The following WDR27 variants were observed in gnomAD, a reference collection of about 807,000 sequenced individuals.
WDR27 encodes the protein WD repeat-containing protein 27.
WDR27 carries 100 observed loss-of-function variants against 114.4 expected under a neutral mutation model. That is an observed-to-expected ratio of 0.87 (90% CI 0.74 to 1.03). The LOEUF (loss-of-function observed/expected upper bound fraction) is 1.03. WDR27 is among the 50% of genes least tolerant of loss of function. The pLI is 0.00. For synonymous variants in WDR27, 449 were observed against 423.1 expected (o/e 1.06, Z -0.75); for missense variants, 1,129 against 1,092.9 (o/e 1.03, Z -0.47).
chr6:169,467,483 T>C (rs1785744468), intron 25 of WDR27, among the ~76,000 whole-genome samples: 1 of 152,210 alleles, frequency 6.6e-6, no homozygotes, highest in African/African-American at 2.4e-5. Flanking sequence ...CTCCCAAACC[T>C]CAATTCTTGA....
intron 22 of WDR27, among the ~76,000 whole-genome samples, chr6:169,608,064 C>T (rs767760943): frequency 5.9e-5 from 9 of 151,956 alleles, no homozygotes; most frequent in Non-Finnish European, 1.2e-4. Context: ...GCAACTGTAA[C>T]ACAATGGTAA....
Position 169,688,849 on chromosome 6 carries a change from A to T in WDR27, c.157T>A (p.Cys53Ser), listed in dbSNP as rs1262413904. 1 of 1,610,472 alleles carries T rather than the reference A, an allele frequency of 6.2e-7. No individual in the cohort carries two copies. Among genetic ancestry groups the T allele is most frequent in the Non-Finnish European group, 8.5e-7 (1 of 1,178,650 alleles). ...GAAGGATCCTTAGTGTTCCATATAC[A>T]AAGTTCAGTTCCATCCAAAGGGAAA... is the stretch of plus-strand genomic sequence containing the variant. ...CAFPLDGTEL[C>S]IWNTKDPSHQ... The change falls in exon 2 of 26, where the codon TGT becomes AGT. Residue 53 changes from cysteine (C) to serine (S), a missense_variant. Transcript: ENST00000448612.
At chr6:169,632,825 A>G (rs900052081) in intron 21 of WDR27, 122 bp downstream of exon 21, 10 of 945,314 alleles carry the variant, frequency 1.1e-5, no homozygotes, top group South Asian at 3.7e-5. Context: ...TTAATGATCA[A>G]TAAAAATTAA....
intron 1 of WDR27, among the ~76,000 whole-genome samples, chr6:169,699,467 G>A (rs915546791): frequency 6.6e-6 from 1 of 152,198 alleles, no homozygotes; most frequent in Non-Finnish European, 1.5e-5. Flanking sequence ...GAGCTGACGA[G>A]ATACACACAG....
chr6:169,687,249 C>T (rs936522610), intron 2 of WDR27, among the ~76,000 whole-genome samples: 1 of 151,936 alleles, frequency 6.6e-6, no homozygotes, highest in Non-Finnish European at 1.5e-5. Context: ...TACATATACC[C>T]CCAAAATATG....
At chr6:169,555,199 T>C (rs928798961) in intron 25 of WDR27, among the ~76,000 whole-genome samples, 29 of 152,186 alleles carry the variant, frequency 1.9e-4, no homozygotes, top group African/African-American at 7.0e-4. Flanking sequence ...ATCTAAAGCC[T>C]GCGATGGAGA....
Position 169,636,354 on chromosome 6 carries a change from G to A in WDR27, c.2003+17C>T. On this transcript the variant is annotated intron_variant, in intron 19 of 25. Transcript: ENST00000448612. The stretch of plus-strand genomic sequence containing the variant: ...TCCTGTGATCTAAAAATAATGCACA[G>A]GGCGGGGGGTGCCTACCTCTTAATC... The A allele has an allele frequency of 6.2e-7, 1 of 1,612,916 alleles. No individual in the cohort carries two copies. The highest frequency in any genetic ancestry group is 8.5e-7 in the Non-Finnish European group (1 of 1,179,550).
chr6:169,524,531 A>T (rs924086100), intron 25 of WDR27, among the ~76,000 whole-genome samples: 8 of 152,182 alleles, frequency 5.3e-5, no homozygotes, highest in African/African-American at 1.7e-4. Context: ...ACTTCAAAAT[A>T]TCCTCCAAAT....
Position 169,672,346 on chromosome 6 carries a change from T to C in WDR27, c.240A>G (p.Gly80=). The C allele has an allele frequency of 1.2e-6, 2 of 1,612,446 alleles. No individual in the cohort carries two copies. Among genetic ancestry groups the C allele is most frequent in the Non-Finnish European group, 1.7e-6 (2 of 1,179,042 alleles). The change falls in exon 3 of 26, where the codon GGA becomes GGG. Residue 80 remains glycine, a synonymous_variant. Coordinates refer to ENST00000448612, the MANE Select transcript of WDR27 (RefSeq NM_182552.5). ...AGATTAGAAGTGGGTTCACTTTATT[T>C]CCAAAAGCCATAGCAGTAATTGGCT... ...HHQPITAMAF[G]NKVNPLLICS...
chr6:169,457,230 T>G lies in WDR27; in HGVS notation c.*362A>C. ...CAGTTAGGACTGTTAACTGCTTTAT[T>G]TTCACTGCCCAAAAGAAATTCTCTC... is the stretch of plus-strand genomic sequence containing the variant. On this transcript the variant is annotated 3_prime_UTR_variant, in exon 26 of 26. Coordinates refer to ENST00000448612, the MANE Select transcript of WDR27 (RefSeq NM_182552.5). 1 of 192,776 alleles carries G rather than the reference T, an allele frequency of 5.2e-6. No individual in the cohort carries two copies. Among genetic ancestry groups the G allele is most frequent in the Non-Finnish European group, 1.1e-5 (1 of 93,140 alleles). 11.9% of individuals were successfully genotyped at this position (192,776 alleles called of 1,614,324 possible).
chr6:169,441,754 T>A, the WDR27 span, among the ~76,000 whole-genome samples: 10 of 152,230 alleles, frequency 6.6e-5, no homozygotes, highest in African/African-American at 2.4e-4. Flanking sequence ...TTTTTCTTTC[T>A]AAGAAGACCC....
Position 169,662,292 on chromosome 6 carries a change from T to C in WDR27, c.1025+12A>G. On this transcript the variant is annotated intron_variant, in intron 9 of 25. Coordinates refer to ENST00000448612, the MANE Select transcript of WDR27 (RefSeq NM_182552.5). Reference sequence around the variant, plus strand: ...TCCTTTATGTGGCATAGGCAAAGTTTTTGATACTTACCATCCACATGCAGA... The same window carrying C: ...TCCTTTATGTGGCATAGGCAAAGTTCTTGATACTTACCATCCACATGCAGA... The C allele has an allele frequency of 6.2e-7, 1 of 1,612,078 alleles. No homozygotes were observed. The highest frequency in any genetic ancestry group is 8.5e-7 in the Non-Finnish European group (1 of 1,178,238).
chr6:169,594,080 T>C (rs1806301822), intron 23 of WDR27, among the ~76,000 whole-genome samples: 1 of 152,284 alleles, frequency 6.6e-6, no homozygotes, highest in African/African-American at 2.4e-5. Context: ...GTGCTATAAA[T>C]TTCCCTTCAA....
At chr6:169,621,443 T>G (rs369990018) in intron 21 of WDR27, among the ~76,000 whole-genome samples, 1 of 150,266 alleles carries the variant, frequency 6.7e-6, no homozygotes, top group African/African-American at 2.5e-5. Context: ...CATATACATA[T>G]GCACACATGC....
intron 25 of WDR27, among the ~76,000 whole-genome samples, chr6:169,567,604 A>C (rs1800708124): frequency 6.6e-6 from 1 of 152,138 alleles, no homozygotes; most frequent in Non-Finnish European, 1.5e-5. Flanking sequence ...ACCACAAGCA[A>C]GACTGAAGGC....
chr6:169,588,083 G>A (rs562740415), intron 23 of WDR27, among the ~76,000 whole-genome samples: 6 of 152,228 alleles, frequency 3.9e-5, no homozygotes, highest in South Asian at 2.1e-4. Context: ...CGCCTTTTAC[G>A]GTAACACACA....
intron 25 of WDR27, among the ~76,000 whole-genome samples, chr6:169,517,163 G>A (rs2128058585): frequency 6.6e-6 from 1 of 152,088 alleles, no homozygotes; most frequent in East Asian, 1.9e-4. Context: ...TTAAGTGTGT[G>A]GCACTTCCCC....
chr6:169,619,376 C>G (rs998430948), intron 21 of WDR27, among the ~76,000 whole-genome samples: 2 of 151,990 alleles, frequency 1.3e-5, no homozygotes, highest in Admixed American at 6.6e-5. Flanking sequence ...CGCCTCTTGT[C>G]GACAGAAAGA....
rs534391463 is a variant in WDR27 at position 169,529,188 on chromosome 6, T to C, written c.2645+43231A>G. On this transcript the variant is annotated intron_variant, in intron 25 of 25. Coordinates refer to ENST00000448612, the MANE Select transcript of WDR27 (RefSeq NM_182552.5). ...TGAAAAATCAGGCTAAAAAACAGTA[T>C]TTGCACTAGAATCTCATTTCACTAT... Among the ~76,000 whole-genome samples the C allele has an allele frequency of 2.0e-5, 3 of 152,044 alleles. No individual in the cohort carries two copies. The South Asian group carries it at 6.2e-4, about 32-fold the overall frequency.
Sources: gnomAD v4.1 joint callset for allele counts (sites outside exome capture counted in the v4.1 genomes callset) on GRCh38, gnomAD v4.1.1 for gene constraint, MANE v1.5 for transcripts, NCBI Gene and HGNC (gene_info 2026-07-23, HGNC 2026-07-21) for gene names.